The following FOXP1 variants were observed in gnomAD, a reference collection of about 807,000 sequenced individuals.
FOXP1 encodes the protein forkhead box P1.
A neutral mutation model predicts 98.2 loss-of-function variants in FOXP1; 15 were observed. The ratio of observed to expected loss-of-function variants is 0.15; its 90% confidence interval spans 0.10 to 0.24. FOXP1 has a LOEUF of 0.24. Among genes scored for constraint, FOXP1 ranks in the 10% least tolerant of loss-of-function variants. The probability of loss-of-function intolerance (pLI) is 1.00; values close to 1 mark genes in which losing one functional copy is unlikely to be tolerated. For synonymous variants in FOXP1, 371 were observed against 314.5 expected (o/e 1.18, Z -1.90); for missense variants, 633 against 848.5 (o/e 0.75, Z 3.15).
chr3:71,006,261 T>C (rs1208846090), intron 12 of FOXP1, among the ~76,000 whole-genome samples: 1 of 151,956 alleles, frequency 6.6e-6, no homozygotes, highest in Non-Finnish European at 1.5e-5. Context: ...TTAAATAAAA[T>C]AATAATAATA....
chr3:71,407,677 T>C (rs1235428574), intron 3 of FOXP1, among the ~76,000 whole-genome samples: 1 of 152,102 alleles, frequency 6.6e-6, no homozygotes, highest in Non-Finnish European at 1.5e-5. Context: ...TGTGTGTGTG[T>C]GTATACATCT....
intron 7 of FOXP1, among the ~76,000 whole-genome samples, chr3:71,066,103 A>G (rs2052464216): frequency 6.6e-6 from 1 of 151,868 alleles, no homozygotes. Flanking sequence ...AAAAAAAAAA[A>G]AAAAAAAAGG....
chr3:71,249,907 A>G (rs1413911476), intron 5 of FOXP1, among the ~76,000 whole-genome samples: 1 of 152,236 alleles, frequency 6.6e-6, no homozygotes, highest in Non-Finnish European at 1.5e-5. Context: ...ACTGGGGGCC[A>G]TGGGACTCAG....
chr3:71,542,778 C>T (rs978808596), intron 2 of FOXP1, among the ~76,000 whole-genome samples: 1 of 152,144 alleles, frequency 6.6e-6, no homozygotes, highest in African/African-American at 2.4e-5. Context: ...CTCCTCCCTC[C>T]GCAGCCAGCT....
chr3:71,519,657 C>T (rs2042837942), intron 2 of FOXP1, among the ~76,000 whole-genome samples: 1 of 152,206 alleles, frequency 6.6e-6, no homozygotes, highest in South Asian at 2.1e-4. Context: ...TGCCCCCATG[C>T]CAAATTCAAA....
chr3:71,485,738 T>G (rs1269182473), intron 3 of FOXP1, among the ~76,000 whole-genome samples: 1 of 136,358 alleles, frequency 7.3e-6, no homozygotes, highest in Non-Finnish European at 1.5e-5. Context: ...CACATACCAC[T>G]CCACTCCAGC....
At chr3:71,224,380 G>C (rs2065661445) in intron 5 of FOXP1, among the ~76,000 whole-genome samples, 1 of 152,198 alleles carries the variant, frequency 6.6e-6, no homozygotes, top group African/African-American at 2.4e-5. Context: ...AGCCACTGCA[G>C]TGGCAGAAGA....
rs140378077 is a variant in FOXP1 at position 71,501,709 on chromosome 3, G to A, written c.-297-8154C>T. 5.9e-3 allele frequency among the ~76,000 whole-genome samples: 896 copies of A among 152,312 alleles called. 4 individuals are homozygous for A. The highest frequency in any genetic ancestry group is 0.02 in the Middle Eastern group (6 of 294). On this transcript the variant is annotated intron_variant, in intron 2 of 20. Transcript: ENST00000649528. The stretch of plus-strand genomic sequence containing the variant: ...CTGGTAGTTGATAGTACAGCAAGGT[G>A]ACTATAGTCAAAATAATTTAATGCC...
chr3:71,219,972 C>G (rs904131082), intron 5 of FOXP1, among the ~76,000 whole-genome samples: 2 of 152,174 alleles, frequency 1.3e-5, no homozygotes, highest in African/African-American at 4.8e-5. Context: ...CTGTCTCTAC[C>G]TCTCCGCCTC....
intron 3 of FOXP1, among the ~76,000 whole-genome samples, chr3:71,465,022 C>T (rs555880509): frequency 4.2e-4 from 64 of 152,218 alleles, no homozygotes; most frequent in African/African-American, 1.3e-3. Flanking sequence ...GATGGCCAGG[C>T]TAAGGCTGGG....
intron 3 of FOXP1, among the ~76,000 whole-genome samples, chr3:71,391,812 C>T (rs1302433986): frequency 6.6e-6 from 1 of 152,196 alleles, no homozygotes; most frequent in Non-Finnish European, 1.5e-5. Flanking sequence ...TCTGTGAGAA[C>T]AGCTGGTGTT....
rs377460859 is a variant in FOXP1, at chr3:71,368,449, A to T, written c.-167-9205T>A. On this transcript the variant is annotated intron_variant, in intron 3 of 20. Transcript: ENST00000649528. ...GCCTTAGTTGGGATTTAAATGAAAG[A>T]CATCCTCTTCATGACATGCAAAAGT... 2.0e-5 allele frequency among the ~76,000 whole-genome samples: 3 copies of T among 152,184 alleles called. No homozygotes were observed. In the East Asian group the frequency reaches 5.8e-4, roughly 29 times the overall value.
chr3:71,309,828 A>G (rs77688869), intron 4 of FOXP1, among the ~76,000 whole-genome samples: 197 of 152,146 alleles, frequency 1.3e-3, no homozygotes, highest in South Asian at 2.7e-3. Flanking sequence ...TCACATGGAC[A>G]TATCTGTTCA....
Position 71,479,056 on chromosome 3 carries a change from A to G in FOXP1, c.-168+14370T>C, listed in dbSNP as rs145468489. On this transcript the variant is annotated intron_variant, in intron 3 of 20. Transcript: ENST00000649528. ...CTCAAAATTAGCTTGAATAGTTTCAATGGAATAAAAGCAGACTATCCCAAA... is the reference window on the plus strand; with the variant it reads ...CTCAAAATTAGCTTGAATAGTTTCAGTGGAATAAAAGCAGACTATCCCAAA... Among the ~76,000 whole-genome samples the G allele has an allele frequency of 6.8e-3, 1,036 of 152,344 alleles. 13 individuals are homozygous for G. The highest frequency in any genetic ancestry group is 0.024 in the African/African-American group (994 of 41,568).
At chr3:71,182,549 C>A (rs1038127891) in intron 6 of FOXP1, among the ~76,000 whole-genome samples, 1 of 112,930 alleles carries the variant, frequency 8.9e-6, no homozygotes, top group African/African-American at 3.7e-5. Flanking sequence ...TGTATATATT[C>A]TTTTTTTTTT....
intron 7 of FOXP1, among the ~76,000 whole-genome samples, chr3:71,060,004 T>G (rs559858543): frequency 2.8e-4 from 43 of 152,290 alleles, no homozygotes; most frequent in South Asian, 1.2e-3. Context: ...AAGAAAAACA[T>G]AATGTCTATC....
At chr3:71,218,228 A>G (rs2065090547) in intron 5 of FOXP1, among the ~76,000 whole-genome samples, 1 of 152,210 alleles carries the variant, frequency 6.6e-6, no homozygotes, top group South Asian at 2.1e-4. Flanking sequence ...AATATGATGT[A>G]ATAGGTCTCC....
intron 5 of FOXP1, among the ~76,000 whole-genome samples, chr3:71,237,074 A>T (rs2704801): frequency 0.013 from 2,034 of 150,862 alleles, 39 homozygotes; most frequent in African/African-American, 0.047. Flanking sequence ...TCTACTAAAA[A>T]TACAAAAATT....
intron 4 of FOXP1, among the ~76,000 whole-genome samples, chr3:71,340,084 C>T (rs972013240): frequency 4.6e-5 from 7 of 152,138 alleles, no homozygotes; most frequent in African/African-American, 7.2e-5. Context: ...TCTTTTGATG[C>T]ATATGTGTAT....
Sources: allele counts gnomAD v4.1 joint callset (sites outside exome capture counted in the v4.1 genomes callset), GRCh38; gene constraint gnomAD v4.1.1; transcripts MANE v1.5; gene names NCBI Gene and HGNC (gene_info 2026-07-23, HGNC 2026-07-21).